The following ANKRD16 variants were observed in gnomAD, a reference collection of about 807,000 sequenced individuals.
The protein encoded by ANKRD16 is ankyrin repeat domain-containing protein 16.
ANKRD16 carries 35 observed loss-of-function variants against 37.9 expected under a neutral mutation model. The ratio of observed to expected loss-of-function variants is 0.92; its 90% CI spans 0.71 to 1.23. ANKRD16 has a LOEUF of 1.23. Among genes scored for constraint, ANKRD16 ranks in the 50% most tolerant of loss-of-function variants. ANKRD16 has a pLI of 0.00. For synonymous variants in ANKRD16, 206 were observed against 197.2 expected (o/e 1.04, Z -0.37); for missense variants, 480 against 469.9 (o/e 1.02, Z -0.20).
Position 5,874,388 on chromosome 10 carries a change from C to T in ANKRD16, c.*33+3709G>A, listed in dbSNP as rs1842154181. 6.6e-6 allele frequency among the ~76,000 whole-genome samples: 1 copy of T among 152,192 alleles called. No individual in the cohort carries two copies. Among genetic ancestry groups the T allele is most frequent in the Non-Finnish European group, 1.5e-5 (1 of 68,026 alleles). On this transcript the variant is annotated intron_variant, in intron 7 of 7. Coordinates refer to ENST00000380094, the MANE Select transcript of ANKRD16 (RefSeq NM_019046.3). This position sits in a 1 kb window ranked among gnomAD's most constrained non-coding sequence, Gnocchi z 4.7. ...CCTTGGTCACATTAGTGAGAACGCC[C>T]TGGCAGCCATGTGGAGGGTGGATTT...
Position 5,878,865 on chromosome 10 carries a change from T to C in ANKRD16, c.929-578A>G, listed in dbSNP as rs1842231087. Among the ~76,000 whole-genome samples, 1 of 152,124 alleles carries C rather than the reference T, an allele frequency of 6.6e-6. No individual in the cohort carries two copies. Among genetic ancestry groups the C allele is most frequent in the African/African-American group, 2.4e-5 (1 of 41,430 alleles). On this transcript the variant is annotated intron_variant, in intron 6 of 7. Coordinates refer to ENST00000380094, the MANE Select transcript of ANKRD16 (RefSeq NM_019046.3). This position sits in a 1 kb window ranked among gnomAD's most constrained non-coding sequence, Gnocchi z 5.1. Reference sequence around the variant, plus strand: ...AGTTAACAAGATATAGGATACATCCTCTTCATACGCCTGAATGCTCTGGAA... The same window carrying C: ...AGTTAACAAGATATAGGATACATCCCCTTCATACGCCTGAATGCTCTGGAA...
intron 2 of ANKRD16, 144 bp downstream of exon 2, chr10:5,887,703 C>CCCCCCCCCCCCCCA (rs1842457124): frequency 1.3e-5 from 2 of 153,058 alleles, no homozygotes; most frequent in African/African-American, 5.1e-5. Context: ...CCACCCCCTC[C>CCCCCCCCCCCCCCA]CCCCCAGATG....
rs914309372 is a variant in ANKRD16, at chr10:5,864,801, C to A, written c.*34-2110G>T. On this transcript the variant is annotated intron_variant, in intron 7 of 7. Transcript: ENST00000380094. The surrounding 1 kb of genome is among the most constrained non-coding windows in gnomAD (Gnocchi z 4.4). ...AGGACAAAGGAGAATTAGGAAAAAG[C>A]CTGTGAATTATTTGATGATGTCCAC... Among the ~76,000 whole-genome samples, 1 of 152,106 alleles carries A rather than the reference C, an allele frequency of 6.6e-6. No homozygotes were observed. Among genetic ancestry groups the A allele is most frequent in the African/African-American group, 2.4e-5 (1 of 41,414 alleles).
At chr10:5,876,385 C>G (rs1842185982) in intron 7 of ANKRD16, among the ~76,000 whole-genome samples, 1 of 152,214 alleles carries the variant, frequency 6.6e-6, no homozygotes, top group South Asian at 2.1e-4. Context: ...GTGCACGCAG[C>G]TGCTGCAAAC....
chr10:5,884,116 A>G, intron 3 of ANKRD16, 39 bp from the exon 4 acceptor site: 1 of 1,549,214 alleles, frequency 6.5e-7, no homozygotes, highest in East Asian at 2.3e-5. Context: ...AGAAAATTCA[A>G]TACCTCAAAC....
chr10:5,887,809 A>G, intron 2 of ANKRD16, 38 bp downstream of exon 2: 5 of 1,563,266 alleles, frequency 3.2e-6, no homozygotes, highest in Non-Finnish European at 4.4e-6. Context: ...AAGCAGCCAC[A>G]TGTGTGTACT....
At chr10:5,867,696 C>T (rs1337822953) in intron 7 of ANKRD16, among the ~76,000 whole-genome samples, 3 of 152,150 alleles carry the variant, frequency 2.0e-5, no homozygotes, top group African/African-American at 7.2e-5. Context: ...CCACTAATAC[C>T]CCTACTTATA....
intron 7 of ANKRD16, among the ~76,000 whole-genome samples, chr10:5,873,264 T>C (rs1293788227): frequency 6.6e-6 from 1 of 152,100 alleles, no homozygotes; most frequent in Non-Finnish European, 1.5e-5. Flanking sequence ...TCTCCAGACA[T>C]CATGATCCGC....
rs1841982193 is a variant in ANKRD16 at position 5,864,183 on chromosome 10, A to G, written c.*34-1492T>C. Among the ~76,000 whole-genome samples the G allele has an allele frequency of 6.6e-6, 1 of 152,108 alleles. No homozygotes were observed. Among genetic ancestry groups the G allele is most frequent in the South Asian group, 2.1e-4 (1 of 4,832 alleles). On this transcript the variant is annotated intron_variant, in intron 7 of 7. Coordinates refer to ENST00000380094, the MANE Select transcript of ANKRD16 (RefSeq NM_019046.3). The surrounding 1 kb of genome is among the most constrained non-coding windows in gnomAD (Gnocchi z 4.4). Reference sequence around the variant, plus strand: ...TTTCTTTTAAGGAGAATCCACAACTATGCAAAGCTTACAACTTACATCCCA... The same window carrying G: ...TTTCTTTTAAGGAGAATCCACAACTGTGCAAAGCTTACAACTTACATCCCA...
At position 5,866,152 on chromosome 10, in the gene ANKRD16, G is replaced by A. The variant is rs1038796779; in HGVS notation, c.*34-3461C>T. Among the ~76,000 whole-genome samples, 1 of 152,176 alleles carries A rather than the reference G, an allele frequency of 6.6e-6. No individual in the cohort carries two copies. The highest frequency in any genetic ancestry group is 1.9e-4 in the East Asian group (1 of 5,206). The stretch of plus-strand genomic sequence containing the variant: ...TGGCTATCAGACAACCGCCTACCTA[G>A]ATACCAGGCACTACTCCTTGAGGGA... On this transcript the variant is annotated intron_variant, in intron 7 of 7. Transcript: ENST00000380094. This position sits in a 1 kb window ranked among gnomAD's most constrained non-coding sequence, Gnocchi z 4.3.
At chr10:5,888,114 T>C (rs775209746) in intron 1 of ANKRD16, 47 bp from the exon 2 acceptor site, 3 of 1,566,064 alleles carry the variant, frequency 1.9e-6, no homozygotes, top group Non-Finnish European at 1.8e-6. Flanking sequence ...GCTGAGACAT[T>C]AGAAGCCAGG....
At chr10:5,876,489 G>A (rs1224925767) in intron 7 of ANKRD16, among the ~76,000 whole-genome samples, 1 of 152,188 alleles carries the variant, frequency 6.6e-6, no homozygotes, top group Non-Finnish European at 1.5e-5. Flanking sequence ...CGCACAACAG[G>A]ACCATCTTCA....
In ANKRD16 at chr10:5,889,294, C is replaced by T; in HGVS notation, c.61G>A (p.Ala21Thr). 7.2e-7 allele frequency: 1 copy of T among 1,381,144 alleles called. No homozygotes were observed. The highest frequency in any genetic ancestry group is 2.6e-4 in the Middle Eastern group (1 of 3,818). The allele number at this position is 1,381,144 out of a possible 1,614,324, so 85.6% of individuals were successfully genotyped here. Residue 21 changes from alanine (A) to threonine (T), a missense_variant, in exon 1 of 8, where the codon GCC becomes ACC. Transcript: ENST00000380094. ...CRLVQEGRLRALKEELQAAGG... is the reference protein window; with the variant it reads ...CRLVQEGRLRTLKEELQAAGG... Reference sequence around the variant, plus strand: ...GCCGCCTGCAGCTCCTCCTTCAGGGCGCGCAGCCGGCCCTCCTGCACCAGC... The same window carrying T: ...GCCGCCTGCAGCTCCTCCTTCAGGGTGCGCAGCCGGCCCTCCTGCACCAGC...
At chr10:5,884,404 C>T (rs1178727837) in intron 3 of ANKRD16, among the ~76,000 whole-genome samples, 3 of 152,186 alleles carry the variant, frequency 2.0e-5, no homozygotes, top group Non-Finnish European at 4.4e-5. Flanking sequence ...TGATTACCCC[C>T]ATCCTTCAAT....
chr10:5,882,761 T>C, intron 5 of ANKRD16: 1 of 326,102 alleles, frequency 3.1e-6, no homozygotes, highest in Non-Finnish European at 5.6e-6. Flanking sequence ...CAAAAACCTG[T>C]GTGTGAGGGG....
Position 5,884,096 on chromosome 10 carries a change from G to GT in ANKRD16, c.579-20dup. ...TTGGCACCTAGAGCCAAAACCCCAA[G>GT]TAAGAGCTGAGAAAATTCAATACCT... On this transcript the variant is annotated intron_variant, in intron 3 of 7. Coordinates refer to ENST00000380094, the MANE Select transcript of ANKRD16 (RefSeq NM_019046.3). 6.2e-7 allele frequency: 1 copy of GT among 1,605,586 alleles called. No homozygotes were observed. Among genetic ancestry groups the GT allele is most frequent in the South Asian group, 1.1e-5 (1 of 90,644 alleles).
chr10:5,885,796 G>A (rs775742714), intron 2 of ANKRD16, 31 bp from the exon 3 acceptor site: 2 of 1,590,220 alleles, frequency 1.3e-6, no homozygotes, highest in Non-Finnish European at 1.7e-6. Context: ...GAGAATTAGA[G>A]CTTTTTAGTG....
Position 5,871,430 on chromosome 10 carries a change from A to G in ANKRD16, c.*33+6667T>C, listed in dbSNP as rs145513741. ...ATAAATAAATAAATAAATAAATATCACACCACATCACTCTTTCCAACTGAA... is the reference window on the plus strand; with the variant it reads ...ATAAATAAATAAATAAATAAATATCGCACCACATCACTCTTTCCAACTGAA... On this transcript the variant is annotated intron_variant, in intron 7 of 7. Coordinates refer to ENST00000380094, the MANE Select transcript of ANKRD16 (RefSeq NM_019046.3). The surrounding 1 kb of genome is among the most constrained non-coding windows in gnomAD (Gnocchi z 4.5). Among the ~76,000 whole-genome samples, 1,567 of 150,222 alleles carry G rather than the reference A, an allele frequency of 0.01. 25 individuals are homozygous for G. The highest frequency in any genetic ancestry group is 0.036 in the African/African-American group (1,449 of 40,550).
At chr10:5,872,732 A>G (rs559796580) in intron 7 of ANKRD16, among the ~76,000 whole-genome samples, 57 of 150,062 alleles carry the variant, frequency 3.8e-4, no homozygotes, top group Middle Eastern at 3.5e-3. Context: ...AATTTTTTGT[A>G]TTTTTAGTAG....
Sources: allele counts gnomAD v4.1 joint callset (sites outside exome capture counted in the v4.1 genomes callset), GRCh38; gene constraint gnomAD v4.1.1; non-coding constraint Gnocchi (gnomAD v3.1); transcripts MANE v1.5; gene names NCBI Gene and HGNC (gene_info 2026-07-23, HGNC 2026-07-21).